The following FBXL17 variants were observed in gnomAD, a reference collection of about 807,000 sequenced individuals.
FBXL17 encodes F-box/LRR-repeat protein 17.
Under a neutral mutation model 66.2 loss-of-function variants are expected in FBXL17, and 22 were observed. The ratio of observed to expected loss-of-function variants is 0.33; its 90% CI spans 0.24 to 0.47. The LOEUF is 0.47. Among genes scored for constraint, FBXL17 ranks in the 20% least tolerant of loss-of-function variants. FBXL17 has a pLI of 1.00. For missense variants in FBXL17, 878 were observed against 948.2 expected, an observed-to-expected ratio of 0.93 and a Z score of 0.97; for synonymous variants, 474 against 400.5, an observed-to-expected ratio of 1.18 and a Z score of -2.19.
chr5:108,033,895 CA>C (rs1277854604), intron 6 of FBXL17, among the ~76,000 whole-genome samples: 1 of 152,008 alleles, frequency 6.6e-6, no homozygotes, highest in Non-Finnish European at 1.5e-5. Flanking sequence ...TACACAATGA[CA>C]AAAAGTAACT....
intron 4 of FBXL17, among the ~76,000 whole-genome samples, chr5:108,261,601 C>T (rs1278841642): frequency 6.6e-6 from 1 of 151,990 alleles, no homozygotes; most frequent in Non-Finnish European, 1.5e-5. Flanking sequence ...TACAAGGCCA[C>T]AGAAGGTTTG....
At chr5:108,001,502 AT>A (rs1268206748) in intron 7 of FBXL17, among the ~76,000 whole-genome samples, 1 of 150,690 alleles carries the variant, frequency 6.6e-6, no homozygotes. Flanking sequence ...TTTTTTTTGT[AT>A]TTTTTTTTGT....
intron 7 of FBXL17, among the ~76,000 whole-genome samples, chr5:108,000,349 A>C (rs1293742553): frequency 6.6e-6 from 1 of 152,218 alleles, no homozygotes; most frequent in Non-Finnish European, 1.5e-5. Context: ...GGCAATGAAA[A>C]GTATGCAGGG....
At chr5:108,087,715 C>T (rs1338077832) in intron 6 of FBXL17, among the ~76,000 whole-genome samples, 1 of 151,846 alleles carries the variant, frequency 6.6e-6, no homozygotes, top group Non-Finnish European at 1.5e-5. Context: ...AAAAAAAAAG[C>T]AATTAAATAC....
chr5:108,050,298 C>T (rs1370739568), intron 6 of FBXL17, among the ~76,000 whole-genome samples: 3 of 152,278 alleles, frequency 2.0e-5, no homozygotes, highest in South Asian at 2.1e-4. Flanking sequence ...ATTCTAAAAT[C>T]GACCACAAAT....
intron 6 of FBXL17, among the ~76,000 whole-genome samples, chr5:108,041,933 G>A (rs893995872): frequency 2.6e-5 from 4 of 151,762 alleles, no homozygotes; most frequent in African/African-American, 7.3e-5. Flanking sequence ...ATGGAGTTTC[G>A]CTCGTTTCCC....
At chr5:108,202,687 A>G (rs887020694) in intron 5 of FBXL17, among the ~76,000 whole-genome samples, 1 of 152,120 alleles carries the variant, frequency 6.6e-6, no homozygotes, top group African/African-American at 2.4e-5. Flanking sequence ...GGCAGGAGGG[A>G]GTGGGACAGT....
chr5:108,235,763 C>T (rs1755571940), intron 4 of FBXL17, among the ~76,000 whole-genome samples: 1 of 152,198 alleles, frequency 6.6e-6, no homozygotes, highest in African/African-American at 2.4e-5. Flanking sequence ...TTATCCTGTT[C>T]ACTACTCTAG....
chr5:108,226,428 T>C (rs1453983701), intron 4 of FBXL17, among the ~76,000 whole-genome samples: 7 of 152,252 alleles, frequency 4.6e-5, no homozygotes. Context: ...CATTTTAATA[T>C]ATGATTTTTT....
At chr5:107,975,857 GTTTTTTTT>G (rs1554053909) in intron 7 of FBXL17, among the ~76,000 whole-genome samples, 4 of 79,918 alleles carry the variant, frequency 5.0e-5, no homozygotes, top group African/African-American at 1.8e-4. Context: ...TGTTGTTGTT[GTTTTTTTT>G]TTTTTTTTTT....
chr5:108,267,310 A>G (rs1757083601), intron 4 of FBXL17, among the ~76,000 whole-genome samples: 1 of 152,032 alleles, frequency 6.6e-6, no homozygotes, highest in African/African-American at 2.4e-5. Flanking sequence ...AACTCACCAA[A>G]TTTTTACTAC....
intron 7 of FBXL17, among the ~76,000 whole-genome samples, chr5:108,015,551 C>G (rs1000551314): frequency 2.6e-5 from 4 of 151,906 alleles, no homozygotes; most frequent in African/African-American, 9.7e-5. Flanking sequence ...GTAATGCATG[C>G]CTAATAACAT....
intron 4 of FBXL17, among the ~76,000 whole-genome samples, chr5:108,346,484 TTTGA>T (rs1344205833): frequency 6.6e-6 from 1 of 152,098 alleles, no homozygotes; most frequent in Non-Finnish European, 1.5e-5. Context: ...CTAAAAATTG[TTTGA>T]TTGCCAATAA....
chr5:108,135,628 A>G (rs931411859), intron 6 of FBXL17, among the ~76,000 whole-genome samples: 1 of 152,152 alleles, frequency 6.6e-6, no homozygotes, highest in Non-Finnish European at 1.5e-5. Flanking sequence ...TAGGCTACAC[A>G]TGGAATTTTG....
At position 107,928,933 on chromosome 5, in the gene FBXL17, T is replaced by C. The variant is rs181834117; in HGVS notation, c.1823-47754A>G. 6.0e-3 allele frequency among the ~76,000 whole-genome samples: 913 copies of C among 152,270 alleles called. 7 individuals carry two copies. Among genetic ancestry groups the C allele is most frequent in the Non-Finnish European group, 8.3e-3 (563 of 67,992 alleles). On this transcript the variant is annotated intron_variant, in intron 7 of 8. Transcript: ENST00000542267. The stretch of plus-strand genomic sequence containing the variant: ...CTAAAGCAGATTTTTTTTTTCCAAA[T>C]ATCAACTGACACCATAAAAAAGAAA...
At chr5:108,010,107 G>A (rs1754119777) in intron 7 of FBXL17, among the ~76,000 whole-genome samples, 1 of 152,190 alleles carries the variant, frequency 6.6e-6, no homozygotes, top group Admixed American at 6.5e-5. Context: ...TCTACTGAGA[G>A]TCCAACAAGC....
intron 5 of FBXL17, among the ~76,000 whole-genome samples, chr5:108,193,874 T>C (rs759519127): frequency 6.6e-6 from 1 of 152,176 alleles, no homozygotes; most frequent in Non-Finnish European, 1.5e-5. Flanking sequence ...TATTTTCAAA[T>C]CCAAGGTGTG....
At chr5:107,888,598 T>C (rs999938040) in intron 7 of FBXL17, among the ~76,000 whole-genome samples, 1 of 152,182 alleles carries the variant, frequency 6.6e-6, no homozygotes. Context: ...TTGAACTTTA[T>C]ATAGAGTCAA....
At chr5:108,061,636 G>A (rs760198710) in intron 6 of FBXL17, among the ~76,000 whole-genome samples, 4 of 152,084 alleles carry the variant, frequency 2.6e-5, no homozygotes, top group Non-Finnish European at 5.9e-5. Flanking sequence ...GGCTTTGTTA[G>A]AGCTCATTTT....
Sources: gnomAD v4.1 joint callset for allele counts (sites outside exome capture counted in the v4.1 genomes callset) on GRCh38, gnomAD v4.1.1 for gene constraint, MANE v1.5 for transcripts, NCBI Gene and HGNC (gene_info 2026-07-23, HGNC 2026-07-21) for gene names.